Variants in TCF12 observed in about 807,000 individuals in gnomAD.
TCF12 encodes DNA-binding protein HTF4.
TCF12 carries 45 observed loss-of-function variants against 86.0 expected under a neutral mutation model. That is an observed-to-expected ratio of 0.52 (90% CI 0.41 to 0.67). TCF12 has a LOEUF of 0.67. TCF12 is among the 30% of genes least tolerant of loss of function. The pLI is 0.00. For missense variants in TCF12, 881 were observed against 859.9 expected, an observed-to-expected ratio of 1.02 and a Z score of -0.31; for synonymous variants, 330 against 299.6, an observed-to-expected ratio of 1.10 and a Z score of -1.05.
intron 3 of TCF12, among the ~76,000 whole-genome samples, chr15:56,943,744 A>G (rs1203574669): frequency 6.6e-6 from 1 of 152,214 alleles, no homozygotes; most frequent in African/African-American, 2.4e-5. Flanking sequence ...CTTATTTAAT[A>G]TAAAAATTTG....
At chr15:57,149,705 G>A (rs2053606584) in intron 5 of TCF12, among the ~76,000 whole-genome samples, 1 of 152,108 alleles carries the variant, frequency 6.6e-6, no homozygotes, top group Non-Finnish European at 1.5e-5. Flanking sequence ...ACTCCAAAAA[G>A]TAAAGATAGT....
chr15:57,148,935 G>A (rs2053559314), intron 5 of TCF12, among the ~76,000 whole-genome samples: 2 of 152,102 alleles, frequency 1.3e-5, no homozygotes, highest in South Asian at 4.1e-4. Context: ...AACGTGACCA[G>A]TTTTCCCACG....
intron 3 of TCF12, among the ~76,000 whole-genome samples, chr15:57,054,866 T>A (rs1277743075): frequency 1.7e-4 from 26 of 150,344 alleles, no homozygotes; most frequent in Non-Finnish European, 3.8e-4. Flanking sequence ...AGAGTTAATA[T>A]TGTGCCACTT....
intron 6 of TCF12, among the ~76,000 whole-genome samples, chr15:57,174,368 C>T (rs1192365649): frequency 6.6e-6 from 1 of 152,124 alleles, no homozygotes; most frequent in Non-Finnish European, 1.5e-5. Flanking sequence ...ATTGAATACT[C>T]ATGATAAAAT....
At chr15:57,126,209 C>G (rs1408735990) in intron 5 of TCF12, among the ~76,000 whole-genome samples, 3 of 152,150 alleles carry the variant, frequency 2.0e-5, no homozygotes, top group Non-Finnish European at 1.5e-5. Context: ...CCACTACATT[C>G]CAGCTTGGTT....
At chr15:57,075,808 C>T (rs8023746) in intron 4 of TCF12, among the ~76,000 whole-genome samples, 1,801 of 28,480 alleles carry the variant, frequency 0.063, 20 homozygotes, top group Middle Eastern at 0.18. Context: ...CTTTCTTTCT[C>T]TCTCTCTCTC....
intron 3 of TCF12, among the ~76,000 whole-genome samples, chr15:56,998,457 C>CAA (rs71113049): frequency 0.039 from 4,324 of 110,492 alleles, 130 homozygotes; most frequent in Non-Finnish European, 0.05. Context: ...AACTCTGTCT[C>CAA]AAAAAAAAAA....
intron 3 of TCF12, among the ~76,000 whole-genome samples, chr15:57,009,586 T>C (rs1419391754): frequency 6.6e-6 from 1 of 152,238 alleles, no homozygotes; most frequent in African/African-American, 2.4e-5. Flanking sequence ...TGAATATTCT[T>C]CTTTACTGTT....
chr15:57,038,633 A>G (rs1207737121), intron 3 of TCF12, among the ~76,000 whole-genome samples: 1 of 151,928 alleles, frequency 6.6e-6, no homozygotes, highest in Non-Finnish European at 1.5e-5. Context: ...TAATTAGGAG[A>G]GGATAATAAA....
chr15:57,160,915 C>T (rs908640601), intron 5 of TCF12, among the ~76,000 whole-genome samples: 1 of 151,896 alleles, frequency 6.6e-6, no homozygotes, highest in Admixed American at 6.6e-5. Context: ...GTCTTGAACT[C>T]CTGAGCTCTA....
chr15:57,080,055 A>C (rs932755136), intron 4 of TCF12, among the ~76,000 whole-genome samples: 3 of 152,210 alleles, frequency 2.0e-5, no homozygotes, highest in African/African-American at 7.2e-5. Flanking sequence ...ACAGAAGTTC[A>C]AAATGAGGAA....
intron 3 of TCF12, among the ~76,000 whole-genome samples, chr15:56,933,910 AAT>A (rs2060355829): frequency 2.0e-5 from 3 of 151,738 alleles, no homozygotes; most frequent in South Asian, 2.1e-4. Context: ...TTTACATATA[AAT>A]ATATATTTCA....
intron 6 of TCF12, among the ~76,000 whole-genome samples, chr15:57,167,322 A>AG (rs1479945488): frequency 2.6e-5 from 4 of 152,164 alleles, no homozygotes; most frequent in African/African-American, 9.7e-5. Context: ...ATACTTTGGG[A>AG]GACTGAGGTA....
At chr15:57,125,038 G>A (rs373347033) in intron 5 of TCF12, among the ~76,000 whole-genome samples, 12 of 152,272 alleles carry the variant, frequency 7.9e-5, no homozygotes, top group South Asian at 6.2e-4. Flanking sequence ...CGCGACCGCC[G>A]TTATGTCTAA....
intron 3 of TCF12, among the ~76,000 whole-genome samples, chr15:57,054,618 A>G (rs1474959946): frequency 6.6e-6 from 1 of 152,106 alleles, no homozygotes; most frequent in Non-Finnish European, 1.5e-5. Context: ...CCCAGACAGA[A>G]GTGGAATATT....
At chr15:57,054,020 A>G (rs1350467736) in intron 3 of TCF12, among the ~76,000 whole-genome samples, 1 of 152,180 alleles carries the variant, frequency 6.6e-6, no homozygotes, top group Non-Finnish European at 1.5e-5. Context: ...AAGGTGATGA[A>G]TATAAATTTT....
At chr15:57,252,880 C>T (rs1368344690) in intron 15 of TCF12, among the ~76,000 whole-genome samples, 1 of 151,226 alleles carries the variant, frequency 6.6e-6, no homozygotes, top group Non-Finnish European at 1.5e-5. Flanking sequence ...GAGGTCCCTT[C>T]CCCAAATTGC....
At chr15:57,140,381 A>G (rs1262388392) in intron 5 of TCF12, among the ~76,000 whole-genome samples, 1 of 152,206 alleles carries the variant, frequency 6.6e-6, no homozygotes, top group East Asian at 1.9e-4. Flanking sequence ...ATTCATAAAG[A>G]CAGATTATCG....
At chr15:56,928,516 A>T (rs1567117036) in intron 3 of TCF12, among the ~76,000 whole-genome samples, 1 of 152,314 alleles carries the variant, frequency 6.6e-6, no homozygotes, top group East Asian at 1.9e-4. Context: ...CAAGAGCAAC[A>T]AGTCAGAGTT....
Sources: allele counts gnomAD v4.1 joint callset (sites outside exome capture counted in the v4.1 genomes callset), GRCh38; gene constraint gnomAD v4.1.1; transcripts MANE v1.5; gene names NCBI Gene and HGNC (gene_info 2026-07-23, HGNC 2026-07-21).